FAM72A: variants seen among roughly 807,000 people sequenced by gnomAD.
FAM72A encodes regulator of UNG2 and MKLN1 interacting yippee protein 1.
In FAM72A, 1 loss-of-function variant was observed where a neutral mutation model predicts 11.3. The observed-to-expected ratio is 0.09, with a 90% CI of 0.03 to 0.42. The LOEUF (loss-of-function observed/expected upper bound fraction) is 0.42, where lower values mean the gene tolerates loss of function less well. FAM72A is among the 10% of genes least tolerant of loss of function. The pLI is 0.98. For synonymous variants in FAM72A, 5 were observed against 46.9 expected (o/e 0.11, Z 3.65); for missense variants, 15 against 135.5 (o/e 0.11, Z 4.41).
intron 2 of FAM72A, among the ~76,000 whole-genome samples, chr1:206,198,697 T>C (rs1374854182): frequency 6.6e-6 from 1 of 151,412 alleles, no homozygotes; most frequent in Non-Finnish European, 1.5e-5. Flanking sequence ...TATAGTTTAT[T>C]GAGCACTTTA....
At position 206,187,468 on chromosome 1, in the gene FAM72A, A is replaced by G. The variant is rs1452541365; in HGVS notation, c.356-95T>C. ...CTTTATATGTTAATATTCTTATGTA[A>G]ACCATAGTGTTAGCAGTAAAAAGAG... is the stretch of plus-strand genomic sequence containing the variant. On this transcript the variant is annotated intron_variant, in intron 3 of 3. Transcript: ENST00000367128. 3 of 1,248,032 alleles carry G rather than the reference A, an allele frequency of 2.4e-6. No individual in the cohort carries two copies. In the African/African-American group the frequency reaches 4.5e-5, roughly 19 times the overall value. 77.3% of individuals were successfully genotyped at this position (1,248,032 alleles called of 1,614,324 possible). A position where few individuals can be genotyped will look rare whatever the true frequency, so the allele number is the denominator to read the frequency against.
chr1:206,191,692 G>T, intron 3 of FAM72A, among the ~76,000 whole-genome samples: 2 of 136,256 alleles, frequency 1.5e-5, no homozygotes, highest in South Asian at 2.3e-4. Flanking sequence ...TTTTTTAAAA[G>T]AATTGGTAGT....
chr1:206,192,983 G>A (rs1664871894), intron 3 of FAM72A, among the ~76,000 whole-genome samples: 1 of 148,834 alleles, frequency 6.7e-6, no homozygotes, highest in Non-Finnish European at 1.5e-5. Context: ...GCATGATCTT[G>A]GCTCACCGCA....
intron 3 of FAM72A, among the ~76,000 whole-genome samples, chr1:206,194,542 G>A (rs539116376): frequency 4.8e-4 from 72 of 151,068 alleles, no homozygotes; most frequent in Non-Finnish European, 8.7e-4. Flanking sequence ...CAATCCATGC[G>A]GCAAACCTCA....
rs781814824 is a variant in FAM72A, at chr1:206,199,784, TC to T, written c.230+22del. ...TATCCATCTTCCAAACCCAGAGCTA[TC>T]CAGAATAGTGCCACAAATTACCATT... On this transcript the variant is annotated intron_variant, in intron 2 of 3. Coordinates refer to ENST00000367128, the MANE Select transcript of FAM72A (RefSeq NM_001123168.3). 12 of 596,262 alleles carry T rather than the reference TC, an allele frequency of 2.0e-5. No homozygotes were observed. In the African/African-American group the frequency reaches 2.5e-4, roughly 12 times the overall value. The allele number at this position is 596,262 out of a possible 1,614,324, so 36.9% of individuals were successfully genotyped here.
upstream of FAM72A, chr1:206,204,140 A>G (rs1665647343): frequency 2.2e-6 from 1 of 450,092 alleles, no homozygotes. Flanking sequence ...GCCCCGATGG[A>G]CTTCTCTTCG....
chr1:206,187,156 T>C lies in FAM72A; in HGVS notation c.*123A>G. 2 of 1,098,166 alleles carry C rather than the reference T, an allele frequency of 1.8e-6. No homozygotes were observed. The highest frequency in any genetic ancestry group is 2.5e-6 in the Non-Finnish European group (2 of 794,624). 68.0% of individuals were successfully genotyped at this position (1,098,166 alleles called of 1,614,324 possible). The stretch of plus-strand genomic sequence containing the variant: ...TAATTAGAGACGGAAAATAAATAAA[T>C]CAACAAATGCCCCATTTTTGTTTTC... On this transcript the variant is annotated 3_prime_UTR_variant, in exon 4 of 4. Coordinates refer to ENST00000367128, the MANE Select transcript of FAM72A (RefSeq NM_001123168.3).
chr1:206,191,292 C>T (rs61815509), intron 3 of FAM72A, among the ~76,000 whole-genome samples: 6,530 of 76,414 alleles, frequency 0.085, 426 homozygotes, highest in Non-Finnish European at 0.093. Context: ...CAGAATGACT[C>T]CATCTCAAAA....
At position 206,186,952 on chromosome 1, in the gene FAM72A, C is replaced by G. The variant is rs1434851761; in HGVS notation, c.*327G>C. 1 of 222,620 alleles carries G rather than the reference C, an allele frequency of 4.5e-6. No homozygotes were observed. Among genetic ancestry groups the G allele is most frequent in the African/African-American group, 2.4e-5 (1 of 42,364 alleles). The allele number at this position is 222,620 out of a possible 1,614,324, so 13.8% of individuals were successfully genotyped here. ...TTCAGGAATGTAAAATTAATGGTAT[C>G]TGGTATCAAGTTGTAAGAAAAACTC... On this transcript the variant is annotated 3_prime_UTR_variant, in exon 4 of 4. Transcript: ENST00000367128.
At chr1:206,203,544 G>C (rs568677842), upstream of FAM72A, 1 of 562,096 alleles carries the variant, frequency 1.8e-6, no homozygotes, top group African/African-American at 1.9e-5. Flanking sequence ...CTCCTCCAGG[G>C]ACTGGGGCAC....
At chr1:206,191,646 C>A (rs1664800066) in intron 3 of FAM72A, among the ~76,000 whole-genome samples, 1 of 143,716 alleles carries the variant, frequency 7.0e-6, no homozygotes, top group African/African-American at 2.8e-5. Context: ...ATTTCAGTGC[C>A]TCAGCACCTT....
intron 3 of FAM72A, among the ~76,000 whole-genome samples, chr1:206,191,664 GGAAAAA>G (rs1664801207): frequency 7.3e-6 from 1 of 137,034 alleles, no homozygotes; most frequent in Non-Finnish European, 1.5e-5. Context: ...CTTAACACAA[GGAAAAA>G]GAAATTTTTT....
At chr1:206,203,826 C>T, upstream of FAM72A, 4 of 1,527,100 alleles carry the variant, frequency 2.6e-6, no homozygotes, top group Non-Finnish European at 2.7e-6. Flanking sequence ...CCAAATCTCC[C>T]AGTACAGCCC....
At chr1:206,192,717 G>A (rs1553297738) in intron 3 of FAM72A, among the ~76,000 whole-genome samples, 1 of 98,220 alleles carries the variant, frequency 1.0e-5, no homozygotes, top group African/African-American at 4.0e-5. Context: ...AGAAAGTTGA[G>A]GAAACTGTAG....
At chr1:206,196,880 A>G (rs1178604270) in intron 2 of FAM72A, among the ~76,000 whole-genome samples, 2 of 149,194 alleles carry the variant, frequency 1.3e-5, no homozygotes, top group South Asian at 2.1e-4. Context: ...AAAAATAGCA[A>G]CATGAACTGT....
chr1:206,193,633 G>T (rs1374668555), intron 3 of FAM72A, among the ~76,000 whole-genome samples: 4 of 152,178 alleles, frequency 2.6e-5, no homozygotes, highest in African/African-American at 9.7e-5. Context: ...TAATGCAGCT[G>T]GTGACTTTAA....
intron 3 of FAM72A, among the ~76,000 whole-genome samples, chr1:206,190,947 C>T (rs1482827442): frequency 4.0e-5 from 6 of 151,012 alleles, no homozygotes; most frequent in Admixed American, 2.0e-4. Flanking sequence ...GAACATGTGT[C>T]TTATAACAAA....
chr1:206,204,915 C>CG (rs1361380842), upstream of FAM72A: 8 of 138,354 alleles, frequency 5.8e-5, no homozygotes. Context: ...TTGCCCCCCC[C>CG]CCCATCAACA....
chr1:206,193,085 G>A (rs1248758355), intron 3 of FAM72A, among the ~76,000 whole-genome samples: 1 of 150,160 alleles, frequency 6.7e-6, no homozygotes, highest in Non-Finnish European at 1.5e-5. Context: ...AGCTAATTTT[G>A]TATTTTTAGT....
Sources: allele counts gnomAD v4.1 joint callset (sites outside exome capture counted in the v4.1 genomes callset), GRCh38; gene constraint gnomAD v4.1.1; transcripts MANE v1.5; gene names NCBI Gene and HGNC (gene_info 2026-07-23, HGNC 2026-07-21).